The following PLPP1 variants were observed in gnomAD, a reference collection of about 807,000 sequenced individuals.
PLPP1 encodes lipid phosphate phosphohydrolase 1a.
In PLPP1, 24 loss-of-function variants were observed where a neutral mutation model predicts 31.2. That is an observed-to-expected ratio of 0.77 (90% CI 0.56 to 1.08). PLPP1 has a LOEUF of 1.08. PLPP1 is among the 50% of genes least tolerant of loss of function. PLPP1 has a pLI of 0.00. For missense variants in PLPP1, 319 were observed against 342.7 expected (o/e 0.93, Z 0.55); for synonymous variants, 146 against 126.3 (o/e 1.16, Z -1.05).
intron 1 of PLPP1, among the ~76,000 whole-genome samples, chr5:55,502,394 G>A (rs779585915): frequency 3.9e-5 from 6 of 152,112 alleles, no homozygotes; most frequent in Non-Finnish European, 8.8e-5. Context: ...GGCTGAGGCA[G>A]GAGAATCACC....
chr5:55,434,261 C>A (rs1333602695), intron 4 of PLPP1, among the ~76,000 whole-genome samples: 1 of 151,556 alleles, frequency 6.6e-6, no homozygotes, highest in Non-Finnish European at 1.5e-5. Flanking sequence ...CTGCAAAACA[C>A]TGGTGAATGA....
chr5:55,428,787 C>A (rs527354312), intron 4 of PLPP1, among the ~76,000 whole-genome samples: 2 of 152,216 alleles, frequency 1.3e-5, no homozygotes, highest in Non-Finnish European at 2.9e-5. Flanking sequence ...CCTCCCCATA[C>A]ATGCCATTTG....
At chr5:55,464,233 ATCT>A (rs1426576852) in intron 3 of PLPP1, among the ~76,000 whole-genome samples, 2 of 100,912 alleles carry the variant, frequency 2.0e-5, no homozygotes, top group African/African-American at 7.6e-5. Flanking sequence ...TGTTCAGAAC[ATCT>A]TTTTTTTTTT....
At chr5:55,505,841 G>C (rs980663107) in intron 1 of PLPP1, among the ~76,000 whole-genome samples, 1 of 152,218 alleles carries the variant, frequency 6.6e-6, no homozygotes, top group Admixed American at 6.5e-5. Flanking sequence ...CGGATCACTT[G>C]AGGTCAGGTG....
Position 55,441,833 on chromosome 5 carries a change from C to T in PLPP1, c.549+18G>A. 1 of 1,609,746 alleles carries T rather than the reference C, an allele frequency of 6.2e-7. No homozygotes were observed. Among genetic ancestry groups the T allele is most frequent in the South Asian group, 1.1e-5 (1 of 90,996 alleles). ...ATGCAGCACATAACCTAACCGTCAA[C>T]AGACACAAAGTACTTACTGCCACAA... On this transcript the variant is annotated intron_variant, in intron 4 of 5. Transcript: ENST00000307259.
At chr5:55,491,058 A>C in intron 1 of PLPP1, 1 of 1,613,856 alleles carries the variant, frequency 6.2e-7, no homozygotes, top group Non-Finnish European at 8.5e-7. Context: ...TTACAGAAAA[A>C]GCCTCTCTGA....
chr5:55,509,418 G>A (rs889864234), intron 1 of PLPP1, among the ~76,000 whole-genome samples: 3 of 152,094 alleles, frequency 2.0e-5, no homozygotes, highest in African/African-American at 7.2e-5. Context: ...CTACATTCTG[G>A]TCACTTAGCT....
At chr5:55,468,213 CAT>C (rs1252400258) in intron 2 of PLPP1, 64 bp from the exon 3 acceptor site, 6 of 1,389,794 alleles carry the variant, frequency 4.3e-6, no homozygotes, top group Admixed American at 2.3e-5. Context: ...CAAAACAAAA[CAT>C]AGGGGGAAAA....
chr5:55,463,808 A>C (rs1454384115), intron 3 of PLPP1, among the ~76,000 whole-genome samples: 18 of 149,060 alleles, frequency 1.2e-4, no homozygotes, highest in Admixed American at 9.4e-4. Flanking sequence ...TAAATAAATA[A>C]ATAAATAAAT....
intron 2 of PLPP1, 139 bp from the exon 3 acceptor site, chr5:55,468,288 T>A (rs1366330273): frequency 1.9e-5 from 14 of 732,912 alleles, no homozygotes; most frequent in African/African-American, 3.5e-5. Context: ...CTTTTTTCTT[T>A]ACAATGGAGA....
At chr5:55,442,379 C>A (rs148650954) in intron 3 of PLPP1, among the ~76,000 whole-genome samples, 1 of 152,104 alleles carries the variant, frequency 6.6e-6, no homozygotes, top group African/African-American at 2.4e-5. Flanking sequence ...TTTGGCCCAG[C>A]GCAGTGGCTC....
At chr5:55,490,144 CTTTTTTTTTTT>C (rs896241457) in intron 1 of PLPP1, among the ~76,000 whole-genome samples, 1,007 of 83,416 alleles carry the variant, frequency 0.012, 23 homozygotes, top group Non-Finnish European at 0.015. Context: ...CTTTTCTTTT[CTTTTTTTTTTT>C]TTTTTTTTTT....
At chr5:55,469,196 A>G (rs1016497458) in intron 2 of PLPP1, among the ~76,000 whole-genome samples, 2 of 152,114 alleles carry the variant, frequency 1.3e-5, no homozygotes, top group Non-Finnish European at 1.5e-5. Flanking sequence ...AAACCAAAAT[A>G]AACAGTTAAG....
rs190340720 is a variant in PLPP1 at position 55,466,654 on chromosome 5, G to A, written c.491+1215C>T. On this transcript the variant is annotated intron_variant, in intron 3 of 5. Transcript: ENST00000307259. ...GGAGGCAGAGGCTGCAGTGAGCCAAGATCATGCCACTGCACTCCAGCCTGG... is the reference window on the plus strand; with the variant it reads ...GGAGGCAGAGGCTGCAGTGAGCCAAAATCATGCCACTGCACTCCAGCCTGG... Among the ~76,000 whole-genome samples, 119 of 151,702 alleles carry A rather than the reference G, an allele frequency of 7.8e-4. No individual in the cohort carries two copies. In the East Asian group the frequency reaches 0.017, roughly 22 times the overall value.
chr5:55,534,664 A>G lies in PLPP1; in HGVS notation c.-35T>C. ...CCGGGCTGCCCGGCAAGGGCGATGG[A>G]CTGAGCTGCGGGACGGCGGCCGAGG... is the stretch of plus-strand genomic sequence containing the variant. On this transcript the variant is annotated 5_prime_UTR_variant, in exon 1 of 6. Coordinates refer to ENST00000307259, the MANE Select transcript of PLPP1 (RefSeq NM_003711.4). 6.6e-7 allele frequency: 1 copy of G among 1,524,866 alleles called. No homozygotes were observed. The allele number at this position is 1,524,866 out of a possible 1,614,324, so 94.5% of individuals were successfully genotyped here.
chr5:55,522,812 G>A (rs1196012353), intron 1 of PLPP1, among the ~76,000 whole-genome samples: 2 of 152,060 alleles, frequency 1.3e-5, no homozygotes, highest in African/African-American at 4.8e-5. Flanking sequence ...TCCACCTCCT[G>A]GGTTCACGCC....
chr5:55,449,641 T>G (rs6450309), intron 3 of PLPP1, among the ~76,000 whole-genome samples: 132,505 of 152,158 alleles, frequency 0.87, 57,944 homozygotes, highest in South Asian at 0.92. Flanking sequence ...ACCGCATGTT[T>G]TGTTTCCAAT....
intron 1 of PLPP1, among the ~76,000 whole-genome samples, chr5:55,490,777 A>T (rs1466907095): frequency 6.6e-6 from 1 of 152,148 alleles, no homozygotes; most frequent in East Asian, 1.9e-4. Context: ...TCTGGGTAAC[A>T]TCCACCTTTA....
At chr5:55,501,442 C>T (rs1160308185) in intron 1 of PLPP1, among the ~76,000 whole-genome samples, 1 of 151,378 alleles carries the variant, frequency 6.6e-6, no homozygotes, top group Non-Finnish European at 1.5e-5. Flanking sequence ...TGGCGATTTT[C>T]CCTCTCTTGC....
Sources: gnomAD v4.1 joint callset for allele counts (sites outside exome capture counted in the v4.1 genomes callset) on GRCh38, gnomAD v4.1.1 for gene constraint, MANE v1.5 for transcripts, NCBI Gene and HGNC (gene_info 2026-07-23, HGNC 2026-07-21) for gene names.